The following MCC variants were observed in gnomAD, a reference collection of about 807,000 sequenced individuals.
The protein encoded by MCC is colorectal mutant cancer protein.
A neutral mutation model predicts 116.2 loss-of-function variants in MCC; 90 were observed. The observed-to-expected ratio is 0.77, with a 90% CI of 0.65 to 0.92. MCC has a LOEUF of 0.92. Ranked by LOEUF, MCC falls within the 40% of genes least tolerant of loss-of-function variation. MCC has a pLI of 0.00. For synonymous variants in MCC, 578 were observed against 510.5 expected (o/e 1.13, Z -1.78); for missense variants, 1,516 against 1,312.2 (o/e 1.16, Z -2.40).
intron 3 of MCC, among the ~76,000 whole-genome samples, chr5:113,194,404 C>T (rs1762292132): frequency 6.6e-6 from 1 of 152,134 alleles, no homozygotes; most frequent in African/African-American, 2.4e-5. Context: ...GGGGCTCACT[C>T]CCTGAATACC....
intron 2 of MCC, among the ~76,000 whole-genome samples, chr5:113,344,704 CT>C (rs1768092819): frequency 6.6e-6 from 1 of 151,858 alleles, no homozygotes; most frequent in Non-Finnish European, 1.5e-5. Context: ...AACCTTCTGC[CT>C]TGAAGGAAAA....
chr5:113,027,160 G>T lies in MCC; in HGVS notation c.*142C>A. 1.3e-6 allele frequency: 1 copy of T among 776,566 alleles called. No homozygotes were observed. The highest frequency in any genetic ancestry group is 2.0e-6 in the Non-Finnish European group (1 of 493,018). 48.1% of individuals were successfully genotyped at this position (776,566 alleles called of 1,614,324 possible). A position where few individuals can be genotyped will look rare whatever the true frequency, so the allele number is the denominator to read the frequency against. ...GGCCAGTCGCCCCAAGGGTTGAGTT[G>T]GGGCACTCCATTGTCCAAGTGCCGA... On this transcript the variant is annotated 3_prime_UTR_variant, in exon 19 of 19. Coordinates refer to ENST00000408903, the MANE Select transcript of MCC (RefSeq NM_001085377.2).
chr5:113,213,017 GT>G (rs201580411), intron 3 of MCC, among the ~76,000 whole-genome samples: 4 of 151,772 alleles, frequency 2.6e-5, no homozygotes, highest in Admixed American at 2.0e-4. Context: ...AAGTGTACTT[GT>G]TTTTTTTGTG....
intron 13 of MCC, among the ~76,000 whole-genome samples, chr5:113,067,003 T>G (rs1753657723): frequency 6.6e-6 from 1 of 152,216 alleles, no homozygotes. Flanking sequence ...GGTCTCTCTT[T>G]CCTCTTAGCA....
chr5:113,238,901 T>G (rs1254796389), intron 3 of MCC, among the ~76,000 whole-genome samples: 1 of 152,218 alleles, frequency 6.6e-6, no homozygotes, highest in Non-Finnish European at 1.5e-5. Flanking sequence ...GGTACATATT[T>G]CCAACTTACT....
intron 2 of MCC, among the ~76,000 whole-genome samples, chr5:113,378,255 T>C (rs1366001492): frequency 6.6e-6 from 1 of 152,202 alleles, no homozygotes; most frequent in Non-Finnish European, 1.5e-5. Context: ...TTCTTTCATC[T>C]AACTTTTTGA....
At chr5:113,453,780 T>A (rs3857436) in intron 1 of MCC, among the ~76,000 whole-genome samples, 17,730 of 152,118 alleles carry the variant, frequency 0.12, 1,811 homozygotes, top group African/African-American at 0.28. Flanking sequence ...TTAAGTTTAG[T>A]TTGGTTGTTT....
At chr5:113,097,997 T>TAA (rs1454894945) in intron 8 of MCC, among the ~76,000 whole-genome samples, 1 of 152,106 alleles carries the variant, frequency 6.6e-6, no homozygotes, top group African/African-American at 2.4e-5. Flanking sequence ...AAAGAAGAAA[T>TAA]TGTTAACACC....
At chr5:113,244,989 G>A (rs1160346024) in intron 3 of MCC, among the ~76,000 whole-genome samples, 3 of 152,192 alleles carry the variant, frequency 2.0e-5, no homozygotes, top group Admixed American at 2.0e-4. Context: ...AAATTCCACA[G>A]AAGTGCCATA....
chr5:113,062,624 A>T (rs760856700), intron 14 of MCC, among the ~76,000 whole-genome samples: 89 of 152,276 alleles, frequency 5.8e-4, no homozygotes, highest in Non-Finnish European at 8.5e-4. Context: ...TGGAAGAGTC[A>T]TTAAGAAGAG....
At chr5:113,482,862 T>C (rs933433539) in intron 1 of MCC, among the ~76,000 whole-genome samples, 1 of 152,226 alleles carries the variant, frequency 6.6e-6, no homozygotes, top group African/African-American at 2.4e-5. Context: ...TATTTTTTCT[T>C]CTAAAAGTTT....
At chr5:113,201,291 C>G (rs772685275) in intron 3 of MCC, among the ~76,000 whole-genome samples, 2 of 149,744 alleles carry the variant, frequency 1.3e-5, no homozygotes, top group Non-Finnish European at 2.9e-5. Flanking sequence ...GAGGCTGAAG[C>G]AGGAGAATTG....
At chr5:113,146,171 G>T (rs1759504300) in intron 4 of MCC, among the ~76,000 whole-genome samples, 1 of 139,770 alleles carries the variant, frequency 7.2e-6, no homozygotes, top group South Asian at 2.3e-4. Flanking sequence ...CCTCTACACA[G>T]ATCAGACATT....
At chr5:113,065,394 CAG>C (rs1753533091) in intron 13 of MCC, among the ~76,000 whole-genome samples, 1 of 152,142 alleles carries the variant, frequency 6.6e-6, no homozygotes, top group Admixed American at 6.5e-5. Flanking sequence ...CAAAACAAAA[CAG>C]AAACTGTGCT....
In MCC at chr5:113,339,438, T is replaced by TGTGTGCGCGCGC. The variant is rs145838279; in HGVS notation, c.627+1080_627+1081insGCGCGCGCACAC. Among the ~76,000 whole-genome samples the TGTGTGCGCGCGC allele has an allele frequency of 1.2e-3, 184 of 149,666 alleles. 2 individuals carry two copies. Among genetic ancestry groups the TGTGTGCGCGCGC allele is most frequent in the Non-Finnish European group, 2.2e-3 (150 of 67,594 alleles). ...GTGTGTGTGTGTGTGTGTGTGTGTG[T>TGTGTGCGCGCGC]GCGTGCATGTGTGTTTTACTGTAAT... On this transcript the variant is annotated intron_variant, in intron 3 of 18. Coordinates refer to ENST00000408903, the MANE Select transcript of MCC (RefSeq NM_001085377.2).
chr5:113,435,740 G>C (rs1449435854), intron 1 of MCC: 4 of 152,388 alleles, frequency 2.6e-5, no homozygotes, highest in Admixed American at 1.3e-4. Flanking sequence ...TAGGAGGACA[G>C]CTGGCAGGAG....
intron 2 of MCC, among the ~76,000 whole-genome samples, chr5:113,343,059 A>G (rs372146862): frequency 3.3e-5 from 5 of 152,324 alleles, no homozygotes; most frequent in African/African-American, 1.2e-4. Flanking sequence ...ACATATACAG[A>G]TTACTCTATA....
At chr5:113,150,202 A>G (rs1365181364) in intron 4 of MCC, among the ~76,000 whole-genome samples, 1 of 152,230 alleles carries the variant, frequency 6.6e-6, no homozygotes, top group Non-Finnish European at 1.5e-5. Flanking sequence ...AGTGACAGAA[A>G]GCAGGCTGCC....
chr5:113,210,316 C>A (rs1763081384), intron 3 of MCC, among the ~76,000 whole-genome samples: 2 of 152,146 alleles, frequency 1.3e-5, no homozygotes, highest in Admixed American at 6.6e-5. Context: ...AATATTTATT[C>A]TGTGTTAATA....
Sources: allele counts gnomAD v4.1 joint callset (sites outside exome capture counted in the v4.1 genomes callset), GRCh38; gene constraint gnomAD v4.1.1; transcripts MANE v1.5; gene names NCBI Gene and HGNC (gene_info 2026-07-23, HGNC 2026-07-21).